The following NWD2 variants were observed in gnomAD, a reference collection of about 807,000 sequenced individuals.
NWD2 encodes NACHT and WD repeat domain containing 2.
In NWD2, 37 loss-of-function variants were observed where a neutral mutation model predicts 132.7. That is an observed-to-expected ratio of 0.28 (90% CI 0.21 to 0.37). NWD2 has a LOEUF of 0.37. NWD2 is among the 10% of genes least tolerant of loss of function. The pLI is 1.00. For missense variants in NWD2, 1,592 were observed against 2,122.4 expected, an observed-to-expected ratio of 0.75 and a Z score of 4.91; for synonymous variants, 705 against 803.0, an observed-to-expected ratio of 0.88 and a Z score of 2.06.
At position 37,406,199 on chromosome 4, in the gene NWD2, T is replaced by C. The variant is rs1720999622; in HGVS notation, c.358-24373T>C. On this transcript the variant is annotated intron_variant, in intron 3 of 6. Transcript: ENST00000309447. ...TGATTAATAAATGCAGAGTAAGTGA[T>C]ATTAGAAAATCATTGTCTTGCAATC... Among the ~76,000 whole-genome samples the C allele has an allele frequency of 2.0e-5, 3 of 152,324 alleles. No individual in the cohort carries two copies. The South Asian group carries it at 6.2e-4, about 32-fold the overall frequency.
chr4:37,412,371 C>G (rs140448464), intron 3 of NWD2, among the ~76,000 whole-genome samples: 3,679 of 152,230 alleles, frequency 0.024, 57 homozygotes, highest in Middle Eastern at 0.058. Context: ...TGAGTGAACT[C>G]CCATTCACAA....
chr4:37,372,758 C>G (rs1720255195), intron 3 of NWD2, among the ~76,000 whole-genome samples: 1 of 152,204 alleles, frequency 6.6e-6, no homozygotes, highest in Non-Finnish European at 1.5e-5. Flanking sequence ...TAAGTCACAC[C>G]TATGTGCCAG....
At chr4:37,350,852 C>T (rs191531343) in intron 2 of NWD2, among the ~76,000 whole-genome samples, 218 of 152,260 alleles carry the variant, frequency 1.4e-3, no homozygotes, top group African/African-American at 5.0e-3. Flanking sequence ...TTTTGAGATA[C>T]ATTCCATCAA....
chr4:37,414,534 C>A (rs1411580270), intron 3 of NWD2, among the ~76,000 whole-genome samples: 1 of 151,532 alleles, frequency 6.6e-6, no homozygotes, highest in Non-Finnish European at 1.5e-5. Flanking sequence ...GTCGCTGTAA[C>A]AAGACTCTGC....
chr4:37,429,101 C>CA (rs1004074755), intron 3 of NWD2, among the ~76,000 whole-genome samples: 34 of 151,740 alleles, frequency 2.2e-4, no homozygotes, highest in Admixed American at 1.1e-3. Flanking sequence ...ATATGTATAC[C>CA]AAAAAAAGGT....
chr4:37,438,623 G>A (rs1232137624), intron 5 of NWD2, among the ~76,000 whole-genome samples, 178 bp from the exon 6 acceptor site: 2 of 152,142 alleles, frequency 1.3e-5, no homozygotes, highest in African/African-American at 2.4e-5. Flanking sequence ...TGTTCTCCCG[G>A]GTTGCTGGCT....
intron 3 of NWD2, among the ~76,000 whole-genome samples, chr4:37,423,296 C>T (rs532063601): frequency 6.6e-6 from 1 of 152,176 alleles, no homozygotes; most frequent in Non-Finnish European, 1.5e-5. Flanking sequence ...AGTCACTTGT[C>T]ATTATTATTT....
chr4:37,264,949 T>C (rs187530434), intron 1 of NWD2, among the ~76,000 whole-genome samples: 5 of 152,228 alleles, frequency 3.3e-5, no homozygotes, highest in Non-Finnish European at 5.9e-5. Flanking sequence ...GGGTGCTTAC[T>C]GCAGAATCTG....
Position 37,245,118 on chromosome 4 carries a change from G to C in NWD2, c.51G>C (p.Ala17=), listed in dbSNP as rs866673029. The change falls in exon 1 of 7, where the codon GCG becomes GCC. Residue 17 remains alanine, a synonymous_variant. Coordinates refer to ENST00000309447, the MANE Select transcript of NWD2 (RefSeq NM_001144990.2). The part of the protein sequence containing the change: ...GTKLPCPRDS[A]LRRAAFSGNL... Reference sequence around the variant, plus strand: ...AGCTGCCCTGTCCCCGAGACTCTGCGCTCCGGCGGGCGGCTTTCTCTGGGA... The same window carrying C: ...AGCTGCCCTGTCCCCGAGACTCTGCCCTCCGGCGGGCGGCTTTCTCTGGGA... 4.5e-6 allele frequency: 7 copies of C among 1,547,354 alleles called. No individual in the cohort carries two copies. Among genetic ancestry groups the C allele is most frequent in the Middle Eastern group, 1.7e-4 (1 of 5,882 alleles).
intron 1 of NWD2, among the ~76,000 whole-genome samples, chr4:37,311,465 A>G (rs915832459): frequency 6.6e-6 from 1 of 150,996 alleles, no homozygotes; most frequent in South Asian, 2.1e-4. Context: ...TCCTTTGCCC[A>G]CTTTTTGATG....
chr4:37,267,323 C>T (rs1337160269), intron 1 of NWD2, among the ~76,000 whole-genome samples: 1 of 151,798 alleles, frequency 6.6e-6, no homozygotes, highest in African/African-American at 2.4e-5. Flanking sequence ...ATATTAAGGC[C>T]TGTGACTCAT....
intron 1 of NWD2, among the ~76,000 whole-genome samples, chr4:37,305,902 G>A (rs1718700899): frequency 1.3e-5 from 2 of 152,016 alleles, no homozygotes; most frequent in South Asian, 4.1e-4. Flanking sequence ...CAGTTTTTTG[G>A]AAAAGTTTGA....
At chr4:37,370,999 C>G (rs559741039) in intron 3 of NWD2, among the ~76,000 whole-genome samples, 1 of 151,920 alleles carries the variant, frequency 6.6e-6, no homozygotes, top group South Asian at 2.1e-4. Flanking sequence ...ACACATTAAA[C>G]CAATCTGGAG....
chr4:37,341,489 T>C (rs981827811), intron 2 of NWD2, among the ~76,000 whole-genome samples: 5 of 152,192 alleles, frequency 3.3e-5, no homozygotes, highest in African/African-American at 1.2e-4. Context: ...TGTGAGTGCA[T>C]GTATGTATAG....
chr4:37,396,898 T>G (rs184412789), intron 3 of NWD2, among the ~76,000 whole-genome samples: 1 of 152,070 alleles, frequency 6.6e-6, no homozygotes, highest in Admixed American at 6.5e-5. Flanking sequence ...CCGGGTGTGG[T>G]GGTGGATGCC....
chr4:37,324,781 A>G (rs73807491), intron 1 of NWD2, among the ~76,000 whole-genome samples: 1,754 of 152,274 alleles, frequency 0.012, 33 homozygotes, highest in African/African-American at 0.041. Flanking sequence ...GCCAGGCTGC[A>G]GCTGCATTTC....
chr4:37,427,941 G>A (rs1473568864), intron 3 of NWD2, among the ~76,000 whole-genome samples: 1 of 152,232 alleles, frequency 6.6e-6, no homozygotes, highest in Admixed American at 6.5e-5. Flanking sequence ...ATTGAGAGCT[G>A]AACTATTTTA....
intron 1 of NWD2, among the ~76,000 whole-genome samples, chr4:37,247,239 C>G (rs970437846): frequency 6.6e-6 from 1 of 152,158 alleles, no homozygotes; most frequent in African/African-American, 2.4e-5. Context: ...ATGATCTGAA[C>G]GTGAAGCCTT....
chr4:37,357,870 G>A (rs948438381), intron 3 of NWD2, among the ~76,000 whole-genome samples: 4 of 152,076 alleles, frequency 2.6e-5, no homozygotes, highest in Non-Finnish European at 5.9e-5. Context: ...ACTCTGAAGG[G>A]GAGATGGAAA....
Sources: allele counts gnomAD v4.1 joint callset (sites outside exome capture counted in the v4.1 genomes callset), GRCh38; gene constraint gnomAD v4.1.1; transcripts MANE v1.5; gene names NCBI Gene and HGNC (gene_info 2026-07-23, HGNC 2026-07-21).